Variants in NELL1 observed in about 807,000 individuals in gnomAD.
NELL1 encodes protein kinase C-binding protein NELL1.
NELL1 carries 76 observed loss-of-function variants against 107.4 expected under a neutral mutation model. The ratio of observed to expected loss-of-function variants is 0.71; its 90% CI spans 0.59 to 0.86. The LOEUF (loss-of-function observed/expected upper bound fraction) is 0.86, where lower values mean the gene tolerates loss of function less well. Ranked by LOEUF, NELL1 falls within the 40% of genes least tolerant of loss-of-function variation. The probability of loss-of-function intolerance (pLI) is 0.00; values close to 1 mark genes in which losing one functional copy is unlikely to be tolerated. For missense variants in NELL1, 1,024 were observed against 1,005.5 expected (o/e 1.02, Z -0.25); for synonymous variants, 353 against 341.2 (o/e 1.03, Z -0.38).
intron 15 of NELL1, among the ~76,000 whole-genome samples, chr11:21,438,684 A>C (rs1281128940): frequency 1.3e-5 from 2 of 151,836 alleles, no homozygotes; most frequent in African/African-American, 4.8e-5. Flanking sequence ...GGGTTATTTT[A>C]AAATCCCTGG....
In NELL1 at chr11:21,307,330, GTT is replaced by G. The variant is rs1179757024; in HGVS notation, c.1550-63521_1550-63520del. Reference sequence around the variant, plus strand: ...TGCAGCTAACCCTGGATGTGTGTGTGTTTGTGTGTGTGTGTGTATGTTTTTGT... The same window carrying G: ...TGCAGCTAACCCTGGATGTGTGTGTGTGTGTGTGTGTGTGTATGTTTTTGT... On this transcript the variant is annotated intron_variant, in intron 14 of 19. Coordinates refer to ENST00000357134, the MANE Select transcript of NELL1 (RefSeq NM_006157.5). 2.0e-5 allele frequency among the ~76,000 whole-genome samples: 3 copies of G among 151,822 alleles called. No homozygotes were observed. The East Asian group carries it at 5.8e-4, about 29-fold the overall frequency.
chr11:20,867,218 G>A (rs1038342584), intron 4 of NELL1, among the ~76,000 whole-genome samples: 1 of 152,228 alleles, frequency 6.6e-6, no homozygotes, highest in South Asian at 2.1e-4. Context: ...TTAAGAGAAA[G>A]GCTGTGTTTA....
At chr11:21,047,362 A>G (rs1853381833) in intron 12 of NELL1, among the ~76,000 whole-genome samples, 1 of 152,044 alleles carries the variant, frequency 6.6e-6, no homozygotes. Flanking sequence ...ATACTTTTTT[A>G]TAATACAATT....
intron 19 of NELL1, among the ~76,000 whole-genome samples, chr11:21,574,488 C>T (rs1041296426): frequency 7.9e-5 from 12 of 151,632 alleles, no homozygotes; most frequent in Admixed American, 7.9e-4. Context: ...ATTTATATAC[C>T]TAACTATGCA....
chr11:21,277,260 A>G (rs536298632), intron 14 of NELL1, among the ~76,000 whole-genome samples: 170 of 152,320 alleles, frequency 1.1e-3, no homozygotes, highest in African/African-American at 3.8e-3. Flanking sequence ...ACACTTCTCA[A>G]AAGAAGACAT....
At chr11:21,469,404 G>C (rs139202853) in intron 15 of NELL1, among the ~76,000 whole-genome samples, 1 of 151,978 alleles carries the variant, frequency 6.6e-6, no homozygotes, top group Non-Finnish European at 1.5e-5. Context: ...TAAACAGAAA[G>C]TTCTATAGCC....
At chr11:21,152,512 C>T (rs1048069887) in intron 13 of NELL1, among the ~76,000 whole-genome samples, 4 of 151,988 alleles carry the variant, frequency 2.6e-5, no homozygotes, top group African/African-American at 7.2e-5. Flanking sequence ...AAAGGTTTTG[C>T]GGGTATTGGG....
chr11:21,338,208 G>A (rs2133698492), intron 14 of NELL1, among the ~76,000 whole-genome samples: 1 of 152,234 alleles, frequency 6.6e-6, no homozygotes, highest in Admixed American at 6.5e-5. Flanking sequence ...GTTGTGCTGT[G>A]GGAATTGATT....
chr11:21,439,328 T>A (rs976375743), intron 15 of NELL1, among the ~76,000 whole-genome samples: 13 of 152,156 alleles, frequency 8.5e-5, no homozygotes, highest in African/African-American at 3.1e-4. Flanking sequence ...CAGATTTTAA[T>A]CTAGACTGTA....
intron 12 of NELL1, among the ~76,000 whole-genome samples, chr11:21,029,990 G>C (rs771003912): frequency 2.6e-5 from 4 of 152,136 alleles, no homozygotes; most frequent in Admixed American, 2.0e-4. Flanking sequence ...CTGCTGAATG[G>C]GTACTTGAGA....
At chr11:21,557,775 G>A (rs1179476920) in intron 16 of NELL1, among the ~76,000 whole-genome samples, 1 of 151,964 alleles carries the variant, frequency 6.6e-6, no homozygotes, top group Non-Finnish European at 1.5e-5. Context: ...TATGCTTGTT[G>A]AACACTCTAA....
chr11:21,482,998 TC>T (rs1222404945), intron 15 of NELL1, among the ~76,000 whole-genome samples: 2 of 152,064 alleles, frequency 1.3e-5, no homozygotes, highest in African/African-American at 4.8e-5. Flanking sequence ...ATTTTTTTTT[TC>T]TTTTTTGAGA....
intron 14 of NELL1, among the ~76,000 whole-genome samples, chr11:21,271,747 C>A (rs1359768665): frequency 6.6e-6 from 1 of 152,102 alleles, no homozygotes; most frequent in Non-Finnish European, 1.5e-5. Context: ...TGAATTGACT[C>A]CGACAGTTAT....
chr11:21,009,259 T>A (rs1405364966), intron 12 of NELL1, among the ~76,000 whole-genome samples: 2 of 152,140 alleles, frequency 1.3e-5, no homozygotes, highest in Admixed American at 1.3e-4. Flanking sequence ...TCAACTTCTA[T>A]GTAGCCTCAT....
intron 12 of NELL1, among the ~76,000 whole-genome samples, chr11:21,085,388 C>T (rs1000666351): frequency 2.6e-5 from 4 of 152,160 alleles, no homozygotes; most frequent in Admixed American, 2.6e-4. Flanking sequence ...AATACCAGTA[C>T]TTTGGGAGGC....
At chr11:21,552,103 C>T (rs1182763943) in intron 16 of NELL1, among the ~76,000 whole-genome samples, 2 of 127,386 alleles carry the variant, frequency 1.6e-5, no homozygotes, top group Non-Finnish European at 3.2e-5. Context: ...CACATGGACA[C>T]AGGAAGGGGA....
At chr11:20,940,175 T>C (rs982645387) in intron 10 of NELL1, among the ~76,000 whole-genome samples, 1 of 151,660 alleles carries the variant, frequency 6.6e-6, no homozygotes, top group South Asian at 2.1e-4. Context: ...CTCCCTCCCT[T>C]CCTCCCTCCC....
intron 15 of NELL1, among the ~76,000 whole-genome samples, chr11:21,386,379 A>G (rs182608807): frequency 4.4e-4 from 67 of 151,966 alleles, no homozygotes; most frequent in Admixed American, 2.2e-3. Flanking sequence ...AGAAGCATTA[A>G]CATCTTTTTT....
intron 5 of NELL1, among the ~76,000 whole-genome samples, chr11:20,900,780 TGAGA>T (rs959134009): frequency 6.6e-6 from 1 of 152,156 alleles, no homozygotes; most frequent in African/African-American, 2.4e-5. Context: ...TCTGGGTGTG[TGAGA>T]GAGAACAAGT....
Sources: gnomAD v4.1 joint callset for allele counts (sites outside exome capture counted in the v4.1 genomes callset) on GRCh38, gnomAD v4.1.1 for gene constraint, MANE v1.5 for transcripts, NCBI Gene and HGNC (gene_info 2026-07-23, HGNC 2026-07-21) for gene names.